Variants in A2ML1 observed in about 807,000 individuals in gnomAD.
A2ML1 encodes the protein alpha-2-macroglobulin like 1.
A neutral mutation model predicts 181.9 loss-of-function variants in A2ML1; 161 were observed. That is an observed-to-expected ratio of 0.89 (90% CI 0.78 to 1.01). The LOEUF is 1.01. Among genes scored for constraint, A2ML1 ranks in the 50% least tolerant of loss-of-function variants. The pLI, the probability that A2ML1 is intolerant of heterozygous loss-of-function variation, is 0.00. For synonymous variants in A2ML1, 663 were observed against 666.8 expected (o/e 0.99, Z 0.09); for missense variants, 1,670 against 1,768.1 (o/e 0.94, Z 1.00).
chr12:8,838,534 G>C, intron 9 of A2ML1, 84 bp downstream of exon 9: 1 of 998,448 alleles, frequency 1.0e-6, no homozygotes, highest in Non-Finnish European at 1.5e-6. Flanking sequence ...AAGTATACAA[G>C]ACCTACCCTC....
intron 7 of A2ML1, among the ~76,000 whole-genome samples, chr12:8,885,407 CA>C (rs1565501759): frequency 6.6e-6 from 1 of 151,728 alleles, no homozygotes; most frequent in African/African-American, 2.4e-5. Context: ...ACTTCAGGGT[CA>C]AAAAATGCTT....
chr12:8,860,982 A>C lies in A2ML1; in HGVS notation c.3339+27A>C, dbSNP rs763063151. 17 of 1,613,352 alleles carry C rather than the reference A, an allele frequency of 1.1e-5. No homozygotes were observed. In the Admixed American group the frequency reaches 2.3e-4, roughly 22 times the overall value. The stretch of plus-strand genomic sequence containing the variant: ...TAAGTTCTCCTGGCTCCTGCTCTTG[A>C]TACCCTCCTTCTCATGCGTATTCCT... On this transcript the variant is annotated intron_variant, in intron 27 of 35. Coordinates refer to ENST00000299698, the MANE Select transcript of A2ML1 (RefSeq NM_144670.6).
Position 8,848,867 on chromosome 12 carries a change from T to C in A2ML1, c.1981T>C (p.Trp661Arg), listed in dbSNP as rs777431100. 4.3e-6 allele frequency: 7 copies of C among 1,614,070 alleles called. No homozygotes were observed. The highest frequency in any genetic ancestry group is 1.3e-5 in the African/African-American group (1 of 74,930). Reference sequence around the variant, plus strand: ...GCATTCGAGCCAGCGTTCCATTATCTGGAGGCCCTCGTTCTCTGAAGGCAC... The same window carrying C: ...GCATTCGAGCCAGCGTTCCATTATCCGGAGGCCCTCGTTCTCTGAAGGCAC... ...QGHSSQRSII[W>R]RPSFSEGTDL... The change falls in exon 16 of 36, where the codon TGG becomes CGG. Residue 661 changes from tryptophan to arginine, a missense_variant. Trp to Arg is a moderately radical substitution (Grantham distance 101). Transcript: ENST00000299698.
chr12:8,847,098 C>CTTTTTTTTTTTTTT (rs1212257948), intron 14 of A2ML1, among the ~76,000 whole-genome samples: 67 of 93,258 alleles, frequency 7.2e-4, no homozygotes, highest in African/African-American at 1.5e-3. Flanking sequence ...CCATGCCTGG[C>CTTTTTTTTTTTTTT]TTTTTTTTTT....
In A2ML1 at chr12:8,863,078, T is replaced by A. The variant is rs139906471; in HGVS notation, c.3503-716T>A. ...CAGAATTCTTTCATATACTCTGCCA[T>A]TTTTATTCTACTTAAAATGTTAAAT... On this transcript the variant is annotated intron_variant, in intron 28 of 35. Transcript: ENST00000299698. Among the ~76,000 whole-genome samples the A allele has an allele frequency of 4.3e-3, 643 of 150,032 alleles. 6 individuals are homozygous for A. Among genetic ancestry groups the A allele is most frequent in the African/African-American group, 0.015 (620 of 40,960 alleles).
rs1943267188 is a variant in A2ML1 at position 8,836,128 on chromosome 12, A to C, written c.644-127A>C. Reference sequence around the variant, plus strand: ...CAGCTAATTACTTCAGGAACATGCTACCTAAATAATGCCTCCTTCATTAGA... The same window carrying C: ...CAGCTAATTACTTCAGGAACATGCTCCCTAAATAATGCCTCCTTCATTAGA... On this transcript the variant is annotated intron_variant, in intron 6 of 35. Transcript: ENST00000299698. The C allele has an allele frequency of 8.5e-6, 6 of 703,248 alleles. 1 individual carries two copies. Among genetic ancestry groups the C allele is most frequent in the Middle Eastern group, 3.0e-4 (1 of 3,298 alleles). The allele number at this position is 703,248 out of a possible 1,614,324, so 43.6% of individuals were successfully genotyped here.
intron 7 of A2ML1, among the ~76,000 whole-genome samples, chr12:8,837,231 G>A (rs149655284): frequency 3.9e-5 from 6 of 152,140 alleles, no homozygotes; most frequent in African/African-American, 1.4e-4. Flanking sequence ...TGTTGCCTAG[G>A]CTGGTCTTGA....
At chr12:8,851,309 A>G (rs750322766) in intron 18 of A2ML1, among the ~76,000 whole-genome samples, 13 of 151,912 alleles carry the variant, frequency 8.6e-5, no homozygotes, top group Non-Finnish European at 1.6e-4. Flanking sequence ...CCTCCTCCGT[A>G]TGAGTGCAGC....
Position 8,842,449 on chromosome 12 carries a change from G to C in A2ML1, c.1249-685G>C, listed in dbSNP as rs748713646. On this transcript the variant is annotated intron_variant, in intron 11 of 35. Coordinates refer to ENST00000299698, the MANE Select transcript of A2ML1 (RefSeq NM_144670.6). ...TTAGCCAGGATGGTCTCGATCTCCT[G>C]ACCTCGTGATCCGCCCGCCTTGGCC... 2.0e-5 allele frequency among the ~76,000 whole-genome samples: 3 copies of C among 152,136 alleles called. No individual in the cohort carries two copies. The East Asian group carries it at 5.8e-4, about 29-fold the overall frequency.
chr12:8,869,088 G>A (rs1173081911), intron 32 of A2ML1, 47 bp from the exon 33 acceptor site: 46 of 1,587,550 alleles, frequency 2.9e-5, no homozygotes, highest in Non-Finnish European at 3.6e-5. Context: ...CTACCCCAGG[G>A]AAGGCTCTGG....
chr12:8,851,031 G>A (rs1039673482), intron 18 of A2ML1, among the ~76,000 whole-genome samples: 3 of 152,140 alleles, frequency 2.0e-5, no homozygotes, highest in Non-Finnish European at 1.5e-5. Flanking sequence ...GAGCCACTGC[G>A]CCCGGCCTAC....
intron 4 of A2ML1, among the ~76,000 whole-genome samples, chr12:8,832,525 C>G (rs771318386): frequency 6.6e-6 from 1 of 152,296 alleles, no homozygotes; most frequent in East Asian, 1.9e-4. Context: ...CCCAGGAATC[C>G]ACAAGGACAG....
At chr12:8,858,180 A>G (rs1944137433) in intron 26 of A2ML1, 78 bp downstream of exon 26, 2 of 1,495,670 alleles carry the variant, frequency 1.3e-6, no homozygotes, top group Admixed American at 4.6e-5. Flanking sequence ...GAAGCAAAAG[A>G]GCACTGGCCT....
rs745507666 is a variant in A2ML1 at position 8,867,896 on chromosome 12, C to T, written c.3772C>T (p.Pro1258Ser). 1.2e-6 allele frequency: 2 copies of T among 1,614,228 alleles called. No individual in the cohort carries two copies. The highest frequency in any genetic ancestry group is 1.7e-5 in the Admixed American group (1 of 60,016). Residue 1258 changes from proline to serine, a missense_variant, in exon 30 of 36, where the codon CCA (proline) becomes TCA (serine). Physicochemically the swap from Pro to Ser is moderately conservative, Grantham distance 74. Transcript: ENST00000299698. ...CAAATATGCCACTACCGCCTACATG[C>T]CATCTGAGGAGATCAACCTGGTTGT... Reference protein sequence around the residue: ...LAKYATTAYMPSEEINLVVKS... With the variant: ...LAKYATTAYMSSEEINLVVKS...
chr12:8,870,138 A>G (rs1453098661), intron 33 of A2ML1, among the ~76,000 whole-genome samples: 2 of 152,198 alleles, frequency 1.3e-5, no homozygotes, highest in African/African-American at 4.8e-5. Flanking sequence ...AATATCCCAA[A>G]TCAAAACATA....
intron 7 of A2ML1, among the ~76,000 whole-genome samples, chr12:8,885,288 G>A (rs1298226312): frequency 6.6e-6 from 1 of 152,150 alleles, no homozygotes; most frequent in Non-Finnish European, 1.5e-5. Context: ...GCTCACATCT[G>A]TATTCCTAGC....
rs760903846 is a variant in A2ML1 at position 8,883,939 on chromosome 12, A to C, written c.*95-2568A>C. Among the ~76,000 whole-genome samples the C allele has an allele frequency of 1.0e-2, 1,511 of 151,166 alleles. 27 individuals carry two copies. Among genetic ancestry groups the C allele is most frequent in the African/African-American group, 0.035 (1,441 of 41,054 alleles). ...TAGCTGAGACTACAGGCGCCCGCCA[A>C]CACGCCTGGCTAATTTTTGTATGTT... On this transcript the variant is annotated intron_variant and NMD_transcript_variant, in intron 7 of 7. Transcript: ENST00000537475.
chr12:8,831,824 G>A (rs28371455), intron 4 of A2ML1, among the ~76,000 whole-genome samples: 8,315 of 151,596 alleles, frequency 0.055, 650 homozygotes, highest in African/African-American at 0.17. Flanking sequence ...ATCTCGGCTC[G>A]CCGCAACCTC....
downstream of A2ML1, among the ~76,000 whole-genome samples, chr12:8,878,251 C>T (rs762028130): frequency 2.0e-5 from 3 of 152,154 alleles, no homozygotes; most frequent in East Asian, 3.9e-4. This position sits in a 1 kb window ranked among gnomAD's most constrained non-coding sequence, Gnocchi z 4.4. Flanking sequence ...TGCAATGAGC[C>T]GAGATCATGC....
Sources: gnomAD v4.1 joint callset for allele counts (sites outside exome capture counted in the v4.1 genomes callset) on GRCh38, gnomAD v4.1.1 for gene constraint, Gnocchi (gnomAD v3.1) non-coding constraint, MANE v1.5 for transcripts, NCBI Gene and HGNC (gene_info 2026-07-23, HGNC 2026-07-21) for gene names.